RCC2: variants seen among roughly 807,000 people sequenced by gnomAD.
RCC2 encodes regulator of chromosome condensation 2, also known as protein RCC2.
A neutral mutation model predicts 64.1 loss-of-function variants in RCC2; 19 were observed. The ratio of observed to expected loss-of-function variants is 0.30; its 90% CI spans 0.21 to 0.44. The LOEUF (loss-of-function observed/expected upper bound fraction) is 0.44. Ranked by LOEUF, RCC2 falls within the 20% of genes least tolerant of loss-of-function variation. The pLI is 1.00. For synonymous variants in RCC2, 325 were observed against 279.6 expected, an observed-to-expected ratio of 1.16 and a Z score of -1.62; for missense variants, 508 against 710.4, an observed-to-expected ratio of 0.72 and a Z score of 3.24.
Position 17,438,212 on chromosome 1 carries a change from A to C in RCC2, c.285+18T>G, listed in dbSNP as rs778851729. On this transcript the variant is annotated intron_variant, in intron 2 of 12. Transcript: ENST00000375436. Reference sequence around the variant, plus strand: ...GCCCCGGCCCTGCGCCCACCCGTCTACCCTGACCCTCACTCACGACGCGCT... The same window carrying C: ...GCCCCGGCCCTGCGCCCACCCGTCTCCCCTGACCCTCACTCACGACGCGCT... 3 of 1,265,212 alleles carry C rather than the reference A, an allele frequency of 2.4e-6. No individual in the cohort carries two copies. Among genetic ancestry groups the C allele is most frequent in the Non-Finnish European group, 3.0e-6 (3 of 989,212 alleles). 78.4% of individuals were successfully genotyped at this position (1,265,212 alleles called of 1,614,324 possible). A position where few individuals can be genotyped will look rare whatever the true frequency, so the allele number is the denominator to read the frequency against.
intron 8 of RCC2, among the ~76,000 whole-genome samples, chr1:17,414,644 C>T (rs2075463502): frequency 6.6e-6 from 1 of 151,956 alleles, no homozygotes; most frequent in Admixed American, 6.6e-5. Context: ...TTCTTTTCCC[C>T]CCCTCGAGAG....
intron 7 of RCC2, among the ~76,000 whole-genome samples, chr1:17,417,264 G>A (rs567378405): frequency 6.6e-5 from 10 of 152,324 alleles, no homozygotes; most frequent in Admixed American, 2.0e-4. Context: ...CCAGAAGCCC[G>A]GCTGCTCCAG....
intron 2 of RCC2, among the ~76,000 whole-genome samples, chr1:17,434,361 T>C (rs532089589): frequency 6.6e-6 from 1 of 152,270 alleles, no homozygotes; most frequent in South Asian, 2.1e-4. Context: ...TAATGAAGCC[T>C]CCGTTAAAAA....
chr1:17,415,357 G>C (rs549086385), intron 8 of RCC2, among the ~76,000 whole-genome samples: 1 of 152,286 alleles, frequency 6.6e-6, no homozygotes, highest in African/African-American at 2.4e-5. Flanking sequence ...ACAAAGCATA[G>C]AACAAAGAGA....
At chr1:17,430,283 G>A (rs778239487) in intron 2 of RCC2, among the ~76,000 whole-genome samples, 3 of 152,140 alleles carry the variant, frequency 2.0e-5, no homozygotes, top group East Asian at 1.9e-4. Context: ...TTGGAAGGCC[G>A]AGGCGGGCAG....
intron 11 of RCC2, among the ~76,000 whole-genome samples, chr1:17,410,446 T>C (rs1464018520): frequency 6.6e-6 from 1 of 152,064 alleles, no homozygotes; most frequent in African/African-American, 2.4e-5. Context: ...CCTTGATGCC[T>C]CCACCATCCA....
intron 7 of RCC2, among the ~76,000 whole-genome samples, chr1:17,419,052 TA>T (rs1168794655): frequency 6.6e-6 from 1 of 152,052 alleles, no homozygotes; most frequent in Non-Finnish European, 1.5e-5. Context: ...GACAGCTCTT[TA>T]AAATAAAGTT....
chr1:17,424,764 G>A (rs893302791), intron 4 of RCC2, among the ~76,000 whole-genome samples: 2 of 152,202 alleles, frequency 1.3e-5, no homozygotes, highest in African/African-American at 4.8e-5. Flanking sequence ...ATGCCCCGCT[G>A]GAGGCAGAGG....
At chr1:17,420,070 CTGGAG>C (rs977437355) in intron 7 of RCC2, among the ~76,000 whole-genome samples, 1 of 152,212 alleles carries the variant, frequency 6.6e-6, no homozygotes, top group African/African-American at 2.4e-5. Context: ...CCCAGAGGGG[CTGGAG>C]TGGAGGCAGA....
intron 2 of RCC2, among the ~76,000 whole-genome samples, chr1:17,433,004 TCA>T (rs1491509245): frequency 4.6e-5 from 7 of 151,468 alleles, no homozygotes; most frequent in African/African-American, 1.7e-4. Context: ...ATATATACAC[TCA>T]CACACACATA....
At chr1:17,428,215 G>A (rs572242479) in intron 3 of RCC2, among the ~76,000 whole-genome samples, 3 of 152,228 alleles carry the variant, frequency 2.0e-5, no homozygotes, top group East Asian at 1.9e-4. Context: ...GCAACAAGGC[G>A]CCATCAGCAC....
chr1:17,414,286 T>C lies in RCC2; in HGVS notation c.1027-569A>G, dbSNP rs530597712. ...GGCTCATGCCTGTAATCCTAGCACG[T>C]TGGGAGGCTGAGGCAGGTGGATTGC... On this transcript the variant is annotated intron_variant, in intron 8 of 12. Coordinates refer to ENST00000375436, the MANE Select transcript of RCC2 (RefSeq NM_018715.4). Among the ~76,000 whole-genome samples the C allele has an allele frequency of 3.0e-4, 46 of 151,770 alleles. 1 individual carries two copies. Among genetic ancestry groups the C allele is most frequent in the African/African-American group, 8.9e-4 (37 of 41,418 alleles).
chr1:17,437,708 G>A (rs1223603027), intron 2 of RCC2, among the ~76,000 whole-genome samples: 2 of 146,918 alleles, frequency 1.4e-5, no homozygotes, highest in Non-Finnish European at 3.0e-5. Flanking sequence ...CGCCCCCCCC[G>A]GGCGCCGGAG....
intron 2 of RCC2, among the ~76,000 whole-genome samples, chr1:17,429,819 G>A (rs947028208): frequency 7.9e-5 from 12 of 152,156 alleles, no homozygotes; most frequent in East Asian, 1.9e-4. Context: ...CCATGAGCCC[G>A]GGAGCCAATG....
At chr1:17,428,993 T>G in intron 3 of RCC2, 113 bp downstream of exon 3, 1 of 824,586 alleles carries the variant, frequency 1.2e-6, no homozygotes. Flanking sequence ...GCAAGTCACT[T>G]GGCCTCTGTG....
chr1:17,431,333 CAAAAAAAA>C (rs1168877538), intron 2 of RCC2, among the ~76,000 whole-genome samples: 1 of 9,660 alleles, frequency 1.0e-4, no homozygotes, highest in African/African-American at 3.2e-4. Flanking sequence ...GACTCCATCT[CAAAAAAAA>C]AAAAAAAAAA....
At chr1:17,419,267 G>A (rs2075524536) in intron 7 of RCC2, among the ~76,000 whole-genome samples, 1 of 151,402 alleles carries the variant, frequency 6.6e-6, no homozygotes, top group Non-Finnish European at 1.5e-5. Flanking sequence ...ACCGAGGCAG[G>A]AGAATTGCTT....
intron 5 of RCC2, 96 bp downstream of exon 5, chr1:17,422,609 C>G: frequency 6.7e-7 from 1 of 1,485,258 alleles, no homozygotes; most frequent in Non-Finnish European, 9.2e-7. Context: ...GACCAAGAGT[C>G]ACAAGGGGAA....
intron 4 of RCC2, 127 bp from the exon 5 acceptor site, chr1:17,422,963 C>CTAA (rs1553157496): frequency 2.5e-5 from 29 of 1,138,588 alleles, no homozygotes; most frequent in Non-Finnish European, 3.4e-5. Context: ...CTCCAAATTC[C>CTAA]CAACAGCCAA....
Sources: allele counts gnomAD v4.1 joint callset (sites outside exome capture counted in the v4.1 genomes callset), GRCh38; gene constraint gnomAD v4.1.1; transcripts MANE v1.5; gene names NCBI Gene and HGNC (gene_info 2026-07-23, HGNC 2026-07-21).